Variants in KIRREL3 observed in about 807,000 individuals in gnomAD.
KIRREL3 encodes kin of IRRE-like protein 3.
In KIRREL3, 36 loss-of-function variants were observed where a neutral mutation model predicts 89.7. The ratio of observed to expected loss-of-function variants is 0.40; its 90% CI spans 0.31 to 0.53. KIRREL3 has a LOEUF of 0.53. KIRREL3 is among the 20% of genes least tolerant of loss of function. The pLI is 0.49. For synonymous variants in KIRREL3, 445 were observed against 441.4 expected (o/e 1.01, Z -0.10); for missense variants, 864 against 1,056.6 (o/e 0.82, Z 2.53).
chr11:126,483,438 T>C (rs1591615165), intron 4 of KIRREL3, among the ~76,000 whole-genome samples: 1 of 145,976 alleles, frequency 6.9e-6, no homozygotes, highest in African/African-American at 2.8e-5. Flanking sequence ...AATATATTAC[T>C]TTTTCTCCCC....
intron 1 of KIRREL3, among the ~76,000 whole-genome samples, chr11:126,913,326 C>A (rs1946900842): frequency 6.6e-6 from 1 of 152,190 alleles, no homozygotes; most frequent in Admixed American, 6.5e-5. Context: ...GTTCTCAGGG[C>A]TATTTAACCT....
At position 126,904,799 on chromosome 11, in the gene KIRREL3, C is replaced by T. The variant is rs751658761; in HGVS notation, c.55+95656G>A. Among the ~76,000 whole-genome samples, 6 of 152,156 alleles carry T rather than the reference C, an allele frequency of 3.9e-5. No individual in the cohort carries two copies. Among genetic ancestry groups the T allele is most frequent in the Non-Finnish European group, 5.9e-5 (4 of 68,032 alleles). ...CTCAATATTTGTAGCATTCTCTTTGCGTCTGTAAGCATCAATGCTATTCCT... is the reference window on the plus strand; with the variant it reads ...CTCAATATTTGTAGCATTCTCTTTGTGTCTGTAAGCATCAATGCTATTCCT... On this transcript the variant is annotated intron_variant, in intron 1 of 16. Transcript: ENST00000525144. This position sits in a 1 kb window ranked among gnomAD's most constrained non-coding sequence, Gnocchi z 4.4.
intron 1 of KIRREL3, among the ~76,000 whole-genome samples, chr11:126,984,446 G>T (rs750264965): frequency 3.3e-5 from 5 of 152,108 alleles, no homozygotes; most frequent in Non-Finnish European, 7.4e-5. Context: ...GGGGCAGACG[G>T]ACACTTCATG....
Position 126,719,668 on chromosome 11 carries a change from T to C in KIRREL3, c.56-156756A>G, listed in dbSNP as rs12361762. On this transcript the variant is annotated intron_variant, in intron 1 of 16. Transcript: ENST00000525144. This position sits in a 1 kb window ranked among gnomAD's most constrained non-coding sequence, Gnocchi z 4.7. Reference sequence around the variant, plus strand: ...TCAGCCAATGGCAACTTATCCTTCCTTTTGCGACTTCTAAGGCCACAACCT... The same window carrying C: ...TCAGCCAATGGCAACTTATCCTTCCCTTTGCGACTTCTAAGGCCACAACCT... 3.2e-3 allele frequency among the ~76,000 whole-genome samples: 485 copies of C among 152,294 alleles called. 1 individual carries two copies. Among genetic ancestry groups the C allele is most frequent in the Admixed American group, 5.4e-3 (83 of 15,302 alleles).
intron 1 of KIRREL3, among the ~76,000 whole-genome samples, chr11:126,835,555 A>G (rs1284046147): frequency 6.6e-6 from 1 of 152,200 alleles, no homozygotes; most frequent in Non-Finnish European, 1.5e-5. Flanking sequence ...TGAGTATTGG[A>G]GGCAGAATGA....
chr11:126,863,093 T>A (rs938208359), intron 1 of KIRREL3, among the ~76,000 whole-genome samples: 1 of 152,226 alleles, frequency 6.6e-6, no homozygotes, highest in Non-Finnish European at 1.5e-5. Flanking sequence ...TGTCAGCACC[T>A]CCTGCTGATG....
chr11:126,614,679 C>A lies in KIRREL3; in HGVS notation c.56-51767G>T, dbSNP rs1489188753. Among the ~76,000 whole-genome samples the A allele has an allele frequency of 2.0e-5, 3 of 152,166 alleles. No individual in the cohort carries two copies. The highest frequency in any genetic ancestry group is 4.4e-5 in the Non-Finnish European group (3 of 68,042). On this transcript the variant is annotated intron_variant, in intron 1 of 16. Coordinates refer to ENST00000525144, the MANE Select transcript of KIRREL3 (RefSeq NM_032531.4). The surrounding 1 kb of genome is among the most constrained non-coding windows in gnomAD (Gnocchi z 4.6). ...TTATGAGCTGGGCAGTGATGTCAGT[C>A]CAGCCAAGGCTGGTGAGATGTATTT...
At chr11:126,451,812 A>G (rs1450020783) in intron 7 of KIRREL3, among the ~76,000 whole-genome samples, 2 of 151,782 alleles carry the variant, frequency 1.3e-5, no homozygotes, top group African/African-American at 4.9e-5. Flanking sequence ...TCTGATCCCA[A>G]CATTCTTTTT....
intron 1 of KIRREL3, among the ~76,000 whole-genome samples, chr11:126,816,061 C>A (rs982956348): frequency 2.0e-5 from 3 of 152,130 alleles, no homozygotes; most frequent in African/African-American, 7.2e-5. Flanking sequence ...TATTTGTATT[C>A]AAAATGCCAT....
At chr11:126,517,723 C>G (rs1305507980) in intron 4 of KIRREL3, among the ~76,000 whole-genome samples, 1 of 152,212 alleles carries the variant, frequency 6.6e-6, no homozygotes, top group Non-Finnish European at 1.5e-5. Flanking sequence ...GCATGTTGGA[C>G]TCCTTACAGT....
In KIRREL3 at chr11:126,656,208, C is replaced by A. The variant is rs191373980; in HGVS notation, c.56-93296G>T. The A allele has an allele frequency of 4.7e-4, 214 of 455,544 alleles. No individual in the cohort carries two copies. The highest frequency in any genetic ancestry group is 1.4e-3 in the Admixed American group (61 of 42,548). 28.2% of individuals were successfully genotyped at this position (455,544 alleles called of 1,614,324 possible). A position where few individuals can be genotyped will look rare whatever the true frequency, so the allele number is the denominator to read the frequency against. ...CAGGGAGGGCTACAGAGTTAGGACTCCGAAGTCAGAAAGATGCCTGTTGGT... is the reference window on the plus strand; with the variant it reads ...CAGGGAGGGCTACAGAGTTAGGACTACGAAGTCAGAAAGATGCCTGTTGGT... On this transcript the variant is annotated intron_variant, in intron 1 of 16. Transcript: ENST00000525144. This position sits in a 1 kb window ranked among gnomAD's most constrained non-coding sequence, Gnocchi z 4.0.
chr11:126,972,851 T>C (rs1949465192), intron 1 of KIRREL3, among the ~76,000 whole-genome samples: 1 of 151,870 alleles, frequency 6.6e-6, no homozygotes, highest in Non-Finnish European at 1.5e-5. Context: ...TGCAGAGGAA[T>C]AAAAAGGAAA....
intron 13 of KIRREL3, among the ~76,000 whole-genome samples, chr11:126,433,221 A>G (rs1298576703): frequency 1.3e-5 from 2 of 152,192 alleles, no homozygotes; most frequent in East Asian, 1.9e-4. Context: ...CCTTTGAAAG[A>G]CTGAGCCCCT....
At position 126,655,176 on chromosome 11, in the gene KIRREL3, C is replaced by T. The variant is rs1049505544; in HGVS notation, c.56-92264G>A. On this transcript the variant is annotated intron_variant, in intron 1 of 16. Transcript: ENST00000525144. This position sits in a 1 kb window ranked among gnomAD's most constrained non-coding sequence, Gnocchi z 5.0. ...GAGAAGAAAGTGCAGGGTTGGGGTA[C>T]GGGGAAAGGGGTAAGAAAGGAGATT... 1.1e-4 allele frequency among the ~76,000 whole-genome samples: 16 copies of T among 152,106 alleles called. No individual in the cohort carries two copies. The highest frequency in any genetic ancestry group is 3.6e-4 in the African/African-American group (15 of 41,410).
At position 126,492,969 on chromosome 11, in the gene KIRREL3, G is replaced by A. The variant is rs2134342546; in HGVS notation, c.434-19503C>T. On this transcript the variant is annotated intron_variant, in intron 4 of 16. Transcript: ENST00000525144. This position sits in a 1 kb window ranked among gnomAD's most constrained non-coding sequence, Gnocchi z 4.8. ...GGCCGTGGGCTGAGTGACCCAAAAGGCCGTAGAACAGCCTCGGTGCTGCGG... is the reference window on the plus strand; with the variant it reads ...GGCCGTGGGCTGAGTGACCCAAAAGACCGTAGAACAGCCTCGGTGCTGCGG... 6.6e-6 allele frequency among the ~76,000 whole-genome samples: 1 copy of A among 152,332 alleles called. No individual in the cohort carries two copies. The highest frequency in any genetic ancestry group is 1.9e-4 in the East Asian group (1 of 5,180).
intron 2 of KIRREL3, among the ~76,000 whole-genome samples, chr11:126,539,917 C>A (rs968722015): frequency 6.6e-6 from 1 of 152,210 alleles, no homozygotes; most frequent in African/African-American, 2.4e-5. Context: ...GTTGTTGTGA[C>A]TATCTAAGAG....
Position 126,474,229 on chromosome 11 carries a change from G to C in KIRREL3, c.434-763C>G, listed in dbSNP as rs145496981. On this transcript the variant is annotated intron_variant, in intron 4 of 16. Coordinates refer to ENST00000525144, the MANE Select transcript of KIRREL3 (RefSeq NM_032531.4). This position sits in a 1 kb window ranked among gnomAD's most constrained non-coding sequence, Gnocchi z 6.7. ...CTCCCAAAGTGCTGGGATTACAGGC[G>C]TGAGCCACGGCACCTGGCTTTTCTT... 1.6e-4 allele frequency among the ~76,000 whole-genome samples: 25 copies of C among 152,310 alleles called. No homozygotes were observed. The highest frequency in any genetic ancestry group is 6.0e-4 in the African/African-American group (25 of 41,558).
At chr11:126,911,746 G>A (rs958936068) in intron 1 of KIRREL3, among the ~76,000 whole-genome samples, 2 of 152,160 alleles carry the variant, frequency 1.3e-5, no homozygotes, top group Admixed American at 6.5e-5. Flanking sequence ...CACTTTGGGA[G>A]GCTGAGGTGG....
chr11:126,631,093 C>A (rs142629398), intron 1 of KIRREL3, among the ~76,000 whole-genome samples: 1 of 151,702 alleles, frequency 6.6e-6, no homozygotes, highest in Non-Finnish European at 1.5e-5. Flanking sequence ...CCTCTTCATT[C>A]AGTTGTCTGT....
Sources: allele counts gnomAD v4.1 joint callset (sites outside exome capture counted in the v4.1 genomes callset), GRCh38; gene constraint gnomAD v4.1.1; non-coding constraint Gnocchi (gnomAD v3.1); transcripts MANE v1.5; gene names NCBI Gene and HGNC (gene_info 2026-07-23, HGNC 2026-07-21).